TANGO6: variants seen among roughly 807,000 people sequenced by gnomAD.
TANGO6 encodes transport and Golgi organization protein 6 homolog.
TANGO6 carries 90 observed loss-of-function variants against 114.2 expected under a neutral mutation model. The ratio of observed to expected loss-of-function variants is 0.79; its 90% CI spans 0.66 to 0.94. TANGO6 has a LOEUF of 0.94. Among genes scored for constraint, TANGO6 ranks in the 40% least tolerant of loss-of-function variants. TANGO6 has a pLI of 0.00. For missense variants in TANGO6, 1,274 were observed against 1,315.3 expected (o/e 0.97, Z 0.49); for synonymous variants, 477 against 509.8 (o/e 0.94, Z 0.87).
In TANGO6 at chr16:68,902,343, A is replaced by G; in HGVS notation, c.1506A>G (p.Glu502=). 1 of 1,609,774 alleles carries G rather than the reference A, an allele frequency of 6.2e-7. No homozygotes were observed. Among genetic ancestry groups the G allele is most frequent in the Non-Finnish European group, 8.5e-7 (1 of 1,178,374 alleles). Residue 502 remains glutamate, a synonymous_variant, in exon 9 of 18, where the codon GAA becomes GAG. Transcript: ENST00000261778. ...SVSHIRSLCQ[E]ILLWILGKLE... ...TTTCTGCCAGGTCACTTTGCCAAGA[A>G]ATCTTATTATGGATTCTGGGGAAGC...
intron 14 of TANGO6, among the ~76,000 whole-genome samples, chr16:68,951,574 C>T (rs1034489422): frequency 6.6e-6 from 1 of 151,330 alleles, no homozygotes; most frequent in Non-Finnish European, 1.5e-5. Flanking sequence ...TTTTCCATTG[C>T]ATTTTCTCAC....
chr16:68,845,384 A>T (rs17623193), intron 1 of TANGO6, among the ~76,000 whole-genome samples: 16,655 of 152,198 alleles, frequency 0.11, 926 homozygotes, highest in Non-Finnish European at 0.13. Flanking sequence ...TCTAATCTCT[A>T]TGAGTATGTG....
chr16:69,025,841 A>T, intron 16 of TANGO6: 1 of 216,210 alleles, frequency 4.6e-6, no homozygotes, highest in Non-Finnish European at 1.0e-5. Flanking sequence ...CTAATTTTCT[A>T]TTCTTGGCAT....
At chr16:68,961,149 C>T (rs1963585836) in intron 14 of TANGO6, among the ~76,000 whole-genome samples, 1 of 152,212 alleles carries the variant, frequency 6.6e-6, no homozygotes. Context: ...AGTTCCTCTC[C>T]TTATGCTGAC....
intron 16 of TANGO6, among the ~76,000 whole-genome samples, chr16:69,028,420 G>A (rs1241810447): frequency 1.3e-5 from 2 of 151,788 alleles, no homozygotes; most frequent in African/African-American, 2.4e-5. Context: ...ACCTGAGGTC[G>A]GGAGTTCAAG....
chr16:68,908,263 C>T (rs1332868974), intron 10 of TANGO6, among the ~76,000 whole-genome samples: 1 of 152,180 alleles, frequency 6.6e-6, no homozygotes, highest in Non-Finnish European at 1.5e-5. Flanking sequence ...TCAGGGCTAA[C>T]ATTTCGAGAA....
At chr16:69,057,419 C>T (rs1485726970) in intron 17 of TANGO6, among the ~76,000 whole-genome samples, 3 of 152,048 alleles carry the variant, frequency 2.0e-5, no homozygotes, top group South Asian at 2.1e-4. Flanking sequence ...CTTTTATTTA[C>T]GGCCAGCTTC....
In TANGO6 at chr16:68,880,233, A is replaced by G. The variant is rs558969451; in HGVS notation, c.1295-315A>G. Among the ~76,000 whole-genome samples, 3 of 152,210 alleles carry G rather than the reference A, an allele frequency of 2.0e-5. No homozygotes were observed. In the East Asian group the frequency reaches 5.8e-4, roughly 29 times the overall value. On this transcript the variant is annotated intron_variant, in intron 6 of 17. Transcript: ENST00000261778. ...GTGATCCGCCTGCCTTGGCCTCCCA[A>G]AATACTGGGATTACAGTTGTGAGCC...
intron 17 of TANGO6, among the ~76,000 whole-genome samples, chr16:69,049,954 C>T (rs1959922611): frequency 6.6e-6 from 1 of 152,102 alleles, no homozygotes; most frequent in South Asian, 2.1e-4. Flanking sequence ...TATAGGTATG[C>T]CACATTTGTT....
chr16:68,901,212 T>C (rs955178845), intron 8 of TANGO6, among the ~76,000 whole-genome samples: 29 of 152,188 alleles, frequency 1.9e-4, no homozygotes, highest in African/African-American at 6.0e-4. Flanking sequence ...CACAGAGTTA[T>C]TGTGAAGACT....
At chr16:68,851,489 C>G (rs992777442) in intron 1 of TANGO6, among the ~76,000 whole-genome samples, 1 of 152,146 alleles carries the variant, frequency 6.6e-6, no homozygotes, top group African/African-American at 2.4e-5. Flanking sequence ...AGTGTCTTAG[C>G]AATCGGTACA....
intron 14 of TANGO6, among the ~76,000 whole-genome samples, chr16:68,932,804 A>G (rs1216317110): frequency 1.3e-5 from 2 of 152,094 alleles, no homozygotes; most frequent in African/African-American, 2.4e-5. Flanking sequence ...AAAAAGAAAA[A>G]AAAAGGACAT....
intron 17 of TANGO6, among the ~76,000 whole-genome samples, chr16:69,057,116 G>A (rs997669035): frequency 2.1e-5 from 3 of 140,640 alleles, no homozygotes; most frequent in Admixed American, 8.0e-5. Context: ...CCAGGTTCAC[G>A]TCATTCTCCT....
chr16:69,013,901 G>C (rs868168441), intron 15 of TANGO6, among the ~76,000 whole-genome samples: 1 of 152,202 alleles, frequency 6.6e-6, no homozygotes, highest in Middle Eastern at 3.4e-3. Context: ...CAGGCAATCT[G>C]CCTGCCTTGG....
chr16:68,894,861 A>G (rs1303507812), intron 7 of TANGO6, among the ~76,000 whole-genome samples: 1 of 152,030 alleles, frequency 6.6e-6, no homozygotes, highest in Non-Finnish European at 1.5e-5. Context: ...TGGAACTCCC[A>G]TATCCATGAA....
At chr16:68,869,895 G>C (rs146644004) in intron 4 of TANGO6, among the ~76,000 whole-genome samples, 108 of 152,328 alleles carry the variant, frequency 7.1e-4, no homozygotes, top group Middle Eastern at 6.8e-3. Flanking sequence ...GGGTAGAGTA[G>C]TGAGGGCAGA....
At chr16:68,984,100 AG>A (rs565131739) in intron 15 of TANGO6, among the ~76,000 whole-genome samples, 83 of 152,258 alleles carry the variant, frequency 5.5e-4, no homozygotes, top group African/African-American at 1.9e-3. Context: ...TCCATTTCAC[AG>A]CACAGTCTTA....
intron 15 of TANGO6, among the ~76,000 whole-genome samples, chr16:68,988,611 A>G (rs1963918512): frequency 7.0e-6 from 1 of 142,166 alleles, no homozygotes; most frequent in East Asian, 2.1e-4. Context: ...CTTAGCTTTT[A>G]TGTTTCAGTC....
At chr16:68,897,339 T>A (rs924037143) in intron 7 of TANGO6, among the ~76,000 whole-genome samples, 2 of 152,226 alleles carry the variant, frequency 1.3e-5, no homozygotes, top group African/African-American at 4.8e-5. Context: ...CTTGCCTGCC[T>A]CCTCTACTAG....
Sources: gnomAD v4.1 joint callset for allele counts (sites outside exome capture counted in the v4.1 genomes callset) on GRCh38, gnomAD v4.1.1 for gene constraint, MANE v1.5 for transcripts, NCBI Gene and HGNC (gene_info 2026-07-23, HGNC 2026-07-21) for gene names.